Variants in HPCAL4 observed in about 807,000 individuals in gnomAD.
The protein encoded by HPCAL4 is hippocalcin-like protein 4.
A neutral mutation model predicts 18.2 loss-of-function variants in HPCAL4; 16 were observed. That is an observed-to-expected ratio of 0.88 (90% confidence interval 0.59 to 1.33). The LOEUF (loss-of-function observed/expected upper bound fraction) is 1.33, where lower values mean the gene tolerates loss of function less well. Ranked by LOEUF, HPCAL4 falls within the 40% of genes most tolerant of loss-of-function variation. The pLI, the probability that HPCAL4 is intolerant of heterozygous loss-of-function variation, is 0.00. For synonymous variants in HPCAL4, 80 were observed against 97.5 expected (o/e 0.82, Z 1.06); for missense variants, 214 against 256.6 (o/e 0.83, Z 1.14).
intron 3 of HPCAL4, 65 bp downstream of exon 3, chr1:39,683,872 G>T (rs948950626): frequency 4.5e-4 from 649 of 1,438,438 alleles, no homozygotes; most frequent in Admixed American, 3.1e-4. Flanking sequence ...AGAGCAGCGC[G>T]GAGGCAGGGG....
intron 1 of HPCAL4, among the ~76,000 whole-genome samples, chr1:39,686,611 GTGT>G (rs912884470): frequency 5.1e-4 from 77 of 152,338 alleles, no homozygotes; most frequent in African/African-American, 1.8e-3. Flanking sequence ...GTGGATAGAA[GTGT>G]TGTTGCTGAG....
Position 39,682,774 on chromosome 1 carries a change from G to C in HPCAL4, c.379-41C>G, listed in dbSNP as rs567044657. The C allele has an allele frequency of 2.7e-5, 42 of 1,575,020 alleles. No individual in the cohort carries two copies. The Middle Eastern group carries it at 5.0e-4, about 19-fold the overall frequency. The stretch of plus-strand genomic sequence containing the variant: ...GGAGGGAGGTGTGAACACCCACAAG[G>C]GGCCCCGAGAAGCAGCGGGTGAAGG... On this transcript the variant is annotated intron_variant, in intron 3 of 3. Transcript: ENST00000372844.
chr1:39,679,102 T>A lies in HPCAL4; in HGVS notation c.*3434A>T, dbSNP rs1278165278. 6.6e-6 allele frequency: 1 copy of A among 152,244 alleles called. No homozygotes were observed. The highest frequency in any genetic ancestry group is 2.4e-5 in the African/African-American group (1 of 41,458). The allele number at this position is 152,244 out of a possible 1,614,324, so 9.4% of individuals were successfully genotyped here. On this transcript the variant is annotated 3_prime_UTR_variant, in exon 4 of 4. Transcript: ENST00000372844. ...AGCTCAAAGCCTCACCCAGGGTGGA[T>A]CTTCAGGAAATATTTGTTGCTTCAA... is the stretch of plus-strand genomic sequence containing the variant.
At chr1:39,688,965 A>C (rs1332239149) in intron 1 of HPCAL4, among the ~76,000 whole-genome samples, 1 of 151,908 alleles carries the variant, frequency 6.6e-6, no homozygotes, top group African/African-American at 2.4e-5. Context: ...TAGCCCTCTG[A>C]CCCTCACCTG....
rs146254622 is a variant in HPCAL4 at position 39,685,188 on chromosome 1, G to A, written c.-8-577C>T. Among the ~76,000 whole-genome samples the A allele has an allele frequency of 2.5e-3, 382 of 152,316 alleles. 2 individuals carry two copies. Among genetic ancestry groups the A allele is most frequent in the African/African-American group, 9.0e-3 (374 of 41,546 alleles). On this transcript the variant is annotated intron_variant, in intron 1 of 3. Transcript: ENST00000372844. Reference sequence around the variant, plus strand: ...TTTATTGAGACTGACTGTGTGCTAGGCCCTGTGCCAGTGATGGAGATGAAG... The same window carrying A: ...TTTATTGAGACTGACTGTGTGCTAGACCCTGTGCCAGTGATGGAGATGAAG...
At chr1:39,685,559 C>A (rs1437240113) in intron 1 of HPCAL4, among the ~76,000 whole-genome samples, 2 of 152,098 alleles carry the variant, frequency 1.3e-5, no homozygotes, top group East Asian at 1.9e-4. Flanking sequence ...TACAGTGACA[C>A]CTAGTCTCTA....
In HPCAL4 at chr1:39,682,569, A is replaced by AATGGAT; in HGVS notation, c.537_542dup (p.Ser180_Ile181dup). 6.2e-7 allele frequency: 1 copy of AATGGAT among 1,614,164 alleles called. No homozygotes were observed. Among genetic ancestry groups the AATGGAT allele is most frequent in the Non-Finnish European group, 8.5e-7 (1 of 1,180,024 alleles). On this transcript the variant is annotated inframe_insertion, in exon 4 of 4. Coordinates refer to ENST00000372844, the MANE Select transcript of HPCAL4 (RefSeq NM_016257.4). ...GCATGTCACACTGCAGCAGCAACAC[A>AATGGAT]ATGGATGGGTCACTCTTGGCTGCCT...
At chr1:39,688,364 A>G (rs1182419137) in intron 1 of HPCAL4, among the ~76,000 whole-genome samples, 1 of 151,710 alleles carries the variant, frequency 6.6e-6, no homozygotes, top group Admixed American at 6.6e-5. Context: ...TGTGGGGAAC[A>G]CAATCTTAGT....
Position 39,682,515 on chromosome 1 carries a change from G to A in HPCAL4, c.*21C>T. 6.2e-7 allele frequency: 1 copy of A among 1,613,424 alleles called. No individual in the cohort carries two copies. ...GGTGGCCATGCCCCTTCTGGCCAGGGACCCTGCCCCTCACCAGCTTCTACT... is the reference window on the plus strand; with the variant it reads ...GGTGGCCATGCCCCTTCTGGCCAGGAACCCTGCCCCTCACCAGCTTCTACT... On this transcript the variant is annotated 3_prime_UTR_variant, in exon 4 of 4. Transcript: ENST00000372844.
chr1:39,689,164 T>A (rs1017662099), intron 1 of HPCAL4, among the ~76,000 whole-genome samples: 1 of 152,066 alleles, frequency 6.6e-6, no homozygotes, highest in African/African-American at 2.4e-5. Flanking sequence ...ATGGGGAAAA[T>A]AAAAGTGCTT....
At chr1:39,686,121 C>A (rs6675787) in intron 1 of HPCAL4, among the ~76,000 whole-genome samples, 1 of 145,842 alleles carries the variant, frequency 6.9e-6, no homozygotes, top group Non-Finnish European at 1.5e-5. Context: ...GCGGAGCTTG[C>A]GGTGAGCCGA....
Position 39,679,060 on chromosome 1 carries a change from C to T in HPCAL4, c.*3476G>A, listed in dbSNP as rs1434717214. ...AACATGTAAGACATTCTTGACCCCA[C>T]AGTGATCTCTAAAGTCAGCTCAAAG... On this transcript the variant is annotated 3_prime_UTR_variant, in exon 4 of 4. Transcript: ENST00000372844. 6.6e-6 allele frequency: 1 copy of T among 152,226 alleles called. No individual in the cohort carries two copies. Among genetic ancestry groups the T allele is most frequent in the Non-Finnish European group, 1.5e-5 (1 of 68,040 alleles). 9.4% of individuals were successfully genotyped at this position (152,226 alleles called of 1,614,324 possible).
At position 39,684,166 on chromosome 1, in the gene HPCAL4, G is replaced by C; in HGVS notation, c.163-14C>G. ...GTAGGGGAAGAACTGAGGGGGGTGCGGTGGGTTGGGGCGCAGCGACAGCCC... is the reference window on the plus strand; with the variant it reads ...GTAGGGGAAGAACTGAGGGGGGTGCCGTGGGTTGGGGCGCAGCGACAGCCC... On this transcript the variant is annotated splice_polypyrimidine_tract_variant and intron_variant, in intron 2 of 3. Transcript: ENST00000372844. 6.2e-7 allele frequency: 1 copy of C among 1,600,022 alleles called. No individual in the cohort carries two copies.
intron 1 of HPCAL4, among the ~76,000 whole-genome samples, chr1:39,688,793 C>T (rs1570479895): frequency 6.6e-6 from 1 of 152,340 alleles, no homozygotes; most frequent in Non-Finnish European, 1.5e-5. Flanking sequence ...TTTCCTCTCC[C>T]CTAATATCCT....
chr1:39,679,198 C>A lies in HPCAL4; in HGVS notation c.*3338G>T, dbSNP rs201856542. The A allele has an allele frequency of 8.0e-6, 1 of 124,750 alleles. No individual in the cohort carries two copies. Among genetic ancestry groups the A allele is most frequent in the South Asian group, 2.6e-4 (1 of 3,852 alleles). The allele number at this position is 124,750 out of a possible 1,614,324, so 7.7% of individuals were successfully genotyped here. A position where few individuals can be genotyped will look rare whatever the true frequency, so the allele number is the denominator to read the frequency against. ...CTGGAGACCCCAGCTTCTTCTCTTT[C>A]TTTTCTTTCCCCCATCCCACGCCAT... On this transcript the variant is annotated 3_prime_UTR_variant, in exon 4 of 4. Coordinates refer to ENST00000372844, the MANE Select transcript of HPCAL4 (RefSeq NM_016257.4).
At position 39,684,449 on chromosome 1, in the gene HPCAL4, T is replaced by A. The variant is rs1469875225; in HGVS notation, c.155A>T (p.Tyr52Phe). 1.9e-6 allele frequency: 3 copies of A among 1,601,798 alleles called. No homozygotes were observed. The African/African-American group carries it at 4.0e-5, about 22-fold the overall frequency. The change falls in exon 2 of 4, where the codon TAC becomes TTC. Residue 52 changes from tyrosine (Y) to phenylalanine (F), a missense_variant. Physicochemically the swap from Tyr to Phe is conservative, Grantham distance 22 (BLOSUM62 3). Transcript: ENST00000372844. ...ILNLEEFQQLYIKFFPYGDAS... is the reference protein window; with the variant it reads ...ILNLEEFQQLFIKFFPYGDAS... Reference sequence around the variant, plus strand: ...CAGGTGCCGGCCGCCCACCTTGATGTAGAGCTGCTGAAACTCCTCCAGGTT... The same window carrying A: ...CAGGTGCCGGCCGCCCACCTTGATGAAGAGCTGCTGAAACTCCTCCAGGTT...
intron 1 of HPCAL4, among the ~76,000 whole-genome samples, chr1:39,690,375 G>A (rs1023518833): frequency 6.6e-6 from 1 of 152,188 alleles, no homozygotes; most frequent in Non-Finnish European, 1.5e-5. Context: ...TGCCCTCCAG[G>A]TATAGTTCAC....
chr1:39,687,320 C>T (rs1646683246), intron 1 of HPCAL4, among the ~76,000 whole-genome samples: 2 of 152,238 alleles, frequency 1.3e-5, no homozygotes, highest in Admixed American at 6.5e-5. Context: ...CTCCCAAATC[C>T]AAAGGACTCT....
In HPCAL4 at chr1:39,683,959, A is replaced by T; in HGVS notation, c.356T>A (p.Leu119Gln). 6.2e-7 allele frequency: 1 copy of T among 1,613,748 alleles called. No homozygotes were observed. Among genetic ancestry groups the T allele is most frequent in the East Asian group, 2.2e-5 (1 of 44,854 alleles). The stretch of plus-strand genomic sequence containing the variant: ...CACCTCGATGATCTCCAGCATCTCC[A>T]GGCGCGTGATGCGCCCGTCGCCGTC... ...DLDGDGRITR[L>Q]EMLEIIEAIY... The change falls in exon 3 of 4, where the codon CTG becomes CAG. Residue 119 changes from leucine to glutamine, a missense_variant. Leu to Gln is a moderately radical substitution (Grantham distance 113, BLOSUM62 -2). Coordinates refer to ENST00000372844, the MANE Select transcript of HPCAL4 (RefSeq NM_016257.4).
Sources: allele counts gnomAD v4.1 joint callset (sites outside exome capture counted in the v4.1 genomes callset), GRCh38; gene constraint gnomAD v4.1.1; transcripts MANE v1.5; gene names NCBI Gene and HGNC (gene_info 2026-07-23, HGNC 2026-07-21).